CFDP1: variants seen among roughly 807,000 people sequenced by gnomAD.
The protein encoded by CFDP1 is heterochromatin-stabilizing protein CFDP1.
A neutral mutation model predicts 40.1 loss-of-function variants in CFDP1; 31 were observed. The observed-to-expected ratio is 0.77, with a 90% CI of 0.58 to 1.04. The LOEUF (loss-of-function observed/expected upper bound fraction) is 1.04, where lower values mean the gene tolerates loss of function less well. Ranked by LOEUF, CFDP1 falls within the 50% of genes least tolerant of loss-of-function variation. CFDP1 has a pLI of 0.00. For synonymous variants in CFDP1, 167 were observed against 120.0 expected, an observed-to-expected ratio of 1.39 and a Z score of -2.56; for missense variants, 423 against 343.4, an observed-to-expected ratio of 1.23 and a Z score of -1.83.
intron 5 of CFDP1, among the ~76,000 whole-genome samples, chr16:75,357,095 T>A (rs1027197998): frequency 6.6e-6 from 1 of 151,968 alleles, no homozygotes; most frequent in African/African-American, 2.4e-5. Context: ...GTATTTTTAG[T>A]AGAGATGGGC....
chr16:75,337,184 C>G (rs1597339939), intron 5 of CFDP1, among the ~76,000 whole-genome samples: 1 of 152,310 alleles, frequency 6.6e-6, no homozygotes, highest in African/African-American at 2.4e-5. Context: ...TGCGAATGAT[C>G]CAGCTGAAAG....
At chr16:75,402,898 C>T (rs2079067380) in intron 4 of CFDP1, among the ~76,000 whole-genome samples, 1 of 151,454 alleles carries the variant, frequency 6.6e-6, no homozygotes, top group Non-Finnish European at 1.5e-5. Context: ...ACAGAACTTT[C>T]ACTTTTCATG....
At chr16:75,308,877 G>GA (rs1396952351) in intron 5 of CFDP1, among the ~76,000 whole-genome samples, 2 of 151,982 alleles carry the variant, frequency 1.3e-5, no homozygotes, top group South Asian at 2.1e-4. Context: ...TCCAGAAAAG[G>GA]AAAAAAACCA....
intron 5 of CFDP1, among the ~76,000 whole-genome samples, chr16:75,319,115 C>T (rs907444725): frequency 1.3e-5 from 2 of 152,142 alleles, no homozygotes; most frequent in Non-Finnish European, 2.9e-5. Context: ...GCGATCTCGG[C>T]TCACTGCAAC....
At chr16:75,322,226 C>T (rs949352927) in intron 5 of CFDP1, among the ~76,000 whole-genome samples, 2 of 152,240 alleles carry the variant, frequency 1.3e-5, no homozygotes, top group African/African-American at 4.8e-5. Flanking sequence ...AATATCTGGG[C>T]ATTGCTTGTA....
chr16:75,316,691 C>T (rs117800863), intron 5 of CFDP1, among the ~76,000 whole-genome samples: 10,123 of 151,832 alleles, frequency 0.067, 366 homozygotes, highest in Middle Eastern at 0.12. Context: ...TAAAAGAGGC[C>T]GGGCGCGGTG....
At chr16:75,376,119 G>T (rs1243090754) in intron 5 of CFDP1, among the ~76,000 whole-genome samples, 1 of 152,168 alleles carries the variant, frequency 6.6e-6, no homozygotes, top group Non-Finnish European at 1.5e-5. Flanking sequence ...GCTGAGGTGG[G>T]AAGATCTCTT....
intron 5 of CFDP1, among the ~76,000 whole-genome samples, chr16:75,359,707 A>G (rs1192190861): frequency 6.6e-6 from 1 of 152,192 alleles, no homozygotes; most frequent in Non-Finnish European, 1.5e-5. Flanking sequence ...TTCCAGGATA[A>G]CAACCCTAAG....
At chr16:75,386,067 C>G (rs1441960790) in intron 5 of CFDP1, among the ~76,000 whole-genome samples, 2 of 152,038 alleles carry the variant, frequency 1.3e-5, no homozygotes, top group Non-Finnish European at 2.9e-5. Context: ...AGCAAACCAC[C>G]ATGGCACATG....
At chr16:75,346,582 C>CATAAAA (rs2078566781) in intron 5 of CFDP1, among the ~76,000 whole-genome samples, 1 of 59,328 alleles carries the variant, frequency 1.7e-5, no homozygotes, top group Non-Finnish European at 2.9e-5. Context: ...GACTCTGTCT[C>CATAAAA]AAAAAAAAAA....
chr16:75,324,231 G>A (rs2078387441), intron 5 of CFDP1, among the ~76,000 whole-genome samples: 1 of 152,096 alleles, frequency 6.6e-6, no homozygotes, highest in South Asian at 2.1e-4. Flanking sequence ...GAGGGTGGGG[G>A]AGGTGTCTGA....
intron 5 of CFDP1, among the ~76,000 whole-genome samples, chr16:75,393,794 T>G (rs992110268): frequency 5.4e-5 from 7 of 128,734 alleles, no homozygotes; most frequent in African/African-American, 2.1e-4. Context: ...GCCCGGTGGC[T>G]CACGCCTGTA....
chr16:75,412,384 A>G, intron 3 of CFDP1, 151 bp downstream of exon 3: 1 of 715,892 alleles, frequency 1.4e-6, no homozygotes, highest in Non-Finnish European at 2.5e-6. Flanking sequence ...ACATGATTAG[A>G]GAAGCTTATT....
intron 5 of CFDP1, among the ~76,000 whole-genome samples, chr16:75,321,205 T>C (rs2078360924): frequency 6.6e-6 from 1 of 152,196 alleles, no homozygotes; most frequent in Non-Finnish European, 1.5e-5. Context: ...GCTCAAGGGA[T>C]CCTCCTACCT....
rs369263617 is a variant in CFDP1 at position 75,381,430 on chromosome 16, T to C, written c.650+13660A>G. Among the ~76,000 whole-genome samples the C allele has an allele frequency of 2.1e-4, 32 of 151,624 alleles. No individual in the cohort carries two copies. The South Asian group carries it at 6.3e-3, about 30-fold the overall frequency. ...ACTTACAGACATTTTGGGAGTAGAGTTAAAAGGACTCATTGGATTGGGCAG... is the reference window on the plus strand; with the variant it reads ...ACTTACAGACATTTTGGGAGTAGAGCTAAAAGGACTCATTGGATTGGGCAG... On this transcript the variant is annotated intron_variant, in intron 5 of 6. Coordinates refer to ENST00000283882, the MANE Select transcript of CFDP1 (RefSeq NM_006324.3).
At chr16:75,408,462 C>G (rs11864102) in intron 4 of CFDP1, among the ~76,000 whole-genome samples, 1 of 151,882 alleles carries the variant, frequency 6.6e-6, no homozygotes, top group African/African-American at 2.4e-5. Flanking sequence ...AGCTCTTTCA[C>G]CACAATAAAA....
intron 5 of CFDP1, among the ~76,000 whole-genome samples, chr16:75,336,685 T>C (rs1024880008): frequency 3.9e-5 from 6 of 152,360 alleles, no homozygotes; most frequent in African/African-American, 1.2e-4. Context: ...TGTTATTCCA[T>C]TGTAGGGAAG....
At chr16:75,295,662 A>C (rs550873169) in intron 6 of CFDP1, among the ~76,000 whole-genome samples, 1 of 152,354 alleles carries the variant, frequency 6.6e-6, no homozygotes, top group Non-Finnish European at 1.5e-5. Flanking sequence ...ATGAGGCCAG[A>C]ATGGCTGGAA....
chr16:75,311,617 A>C (rs1233401725), intron 5 of CFDP1, among the ~76,000 whole-genome samples: 1 of 152,200 alleles, frequency 6.6e-6, no homozygotes, highest in Non-Finnish European at 1.5e-5. Flanking sequence ...TCCAAACTTC[A>C]ACACGTGAAG....
Sources: gnomAD v4.1 joint callset for allele counts (sites outside exome capture counted in the v4.1 genomes callset) on GRCh38, gnomAD v4.1.1 for gene constraint, MANE v1.5 for transcripts, NCBI Gene and HGNC (gene_info 2026-07-23, HGNC 2026-07-21) for gene names.